The following WDPCP variants were observed in gnomAD, a reference collection of about 807,000 sequenced individuals.
WDPCP encodes the protein WD repeat containing planar cell polarity effector, also known as WD repeat-containing and planar cell polarity effector protein fritz homolog.
A neutral mutation model predicts 93.1 loss-of-function variants in WDPCP; 71 were observed. The observed-to-expected ratio is 0.76, with a 90% CI of 0.63 to 0.93. WDPCP has a LOEUF of 0.93. WDPCP is among the 40% of genes least tolerant of loss of function. The probability of loss-of-function intolerance (pLI) is 0.00; values close to 1 mark genes in which losing one functional copy is unlikely to be tolerated. For missense variants in WDPCP, 844 were observed against 887.4 expected (o/e 0.95, Z 0.62); for synonymous variants, 315 against 315.0 (o/e 1.00, Z 0.00).
rs571001952 is a variant in WDPCP, at chr2:63,572,972, C to T, written c.75+15225G>A. On this transcript the variant is annotated intron_variant, in intron 1 of 17. Coordinates refer to ENST00000272321, the MANE Select transcript of WDPCP (RefSeq NM_015910.7). The stretch of plus-strand genomic sequence containing the variant: ...TCTTCAAAAGTATTCATTGGCCAGG[C>T]ATAGTGGCTCACACCTATAATCCCA... 2.6e-5 allele frequency among the ~76,000 whole-genome samples: 4 copies of T among 152,140 alleles called. No individual in the cohort carries two copies. In the South Asian group the frequency reaches 6.2e-4, roughly 24 times the overall value.
At chr2:63,834,781 C>T in the WDPCP span, among the ~76,000 whole-genome samples, 7 of 152,246 alleles carry the variant, frequency 4.6e-5, no homozygotes, top group African/African-American at 1.7e-4. Flanking sequence ...CTTGGCTGTG[C>T]TCAGCACATT....
chr2:63,435,569 C>T (rs534130962), intron 8 of WDPCP, among the ~76,000 whole-genome samples: 3 of 152,146 alleles, frequency 2.0e-5, no homozygotes, highest in African/African-American at 7.2e-5. Context: ...AATTGAGTCA[C>T]AATGAGTGAC....
At chr2:63,622,805 G>A (rs1364165617) in intron 3 of WDPCP, 5 of 1,611,622 alleles carry the variant, frequency 3.1e-6, no homozygotes, top group East Asian at 2.2e-5. Flanking sequence ...TCCGGAGCAC[G>A]CTCTGGCCCA....
intron 3 of WDPCP, among the ~76,000 whole-genome samples, chr2:63,633,495 T>C (rs1029610545): frequency 2.0e-5 from 3 of 152,146 alleles, no homozygotes; most frequent in African/African-American, 7.2e-5. Flanking sequence ...TGTATGCAGT[T>C]GAAGTTCAGT....
At chr2:63,543,037 A>T (rs896728935) in intron 1 of WDPCP, among the ~76,000 whole-genome samples, 3 of 151,900 alleles carry the variant, frequency 2.0e-5, no homozygotes, top group Non-Finnish European at 2.9e-5. Context: ...TTTTGAAGAG[A>T]AGTAGTAAAA....
intron 2 of WDPCP, among the ~76,000 whole-genome samples, chr2:63,788,547 C>T (rs939412120): frequency 6.6e-6 from 1 of 152,092 alleles, no homozygotes; most frequent in Non-Finnish European, 1.5e-5. Context: ...TTTTCTAATG[C>T]TAAATACATA....
intron 3 of WDPCP, among the ~76,000 whole-genome samples, chr2:63,621,500 A>G (rs1269518987): frequency 6.6e-6 from 1 of 152,142 alleles, no homozygotes; most frequent in Non-Finnish European, 1.5e-5. Context: ...TAATGAACAA[A>G]GCCTCCAATA....
intron 7 of WDPCP, 162 bp from the exon 8 acceptor site, chr2:63,437,716 G>T: frequency 9.8e-7 from 1 of 1,016,530 alleles, no homozygotes; most frequent in Non-Finnish European, 1.4e-6. Context: ...AAAGATATTA[G>T]GAATAAACAA....
chr2:63,325,460 C>A (rs1321550838), intron 12 of WDPCP, among the ~76,000 whole-genome samples: 1 of 152,196 alleles, frequency 6.6e-6, no homozygotes, highest in Non-Finnish European at 1.5e-5. Context: ...TGTCATCACC[C>A]TCACTGAGCC....
At chr2:63,360,701 T>C (rs1558517175) in intron 12 of WDPCP, among the ~76,000 whole-genome samples, 2 of 152,250 alleles carry the variant, frequency 1.3e-5, no homozygotes, top group African/African-American at 2.4e-5. Flanking sequence ...TTTAAAAACG[T>C]AGATAACATC....
intron 6 of WDPCP, among the ~76,000 whole-genome samples, chr2:63,469,844 C>T (rs1376972371): frequency 6.6e-6 from 1 of 152,122 alleles, no homozygotes; most frequent in Non-Finnish European, 1.5e-5. Flanking sequence ...ACTCTTGAAC[C>T]TAAAATAAAA....
intron 15 of WDPCP, among the ~76,000 whole-genome samples, chr2:63,173,938 A>T (rs1013146698): frequency 6.6e-6 from 1 of 152,198 alleles, no homozygotes; most frequent in South Asian, 2.1e-4. Context: ...TAAACCAGGG[A>T]ACAGATCTGA....
chr2:63,479,683 T>C (rs1247531927), intron 6 of WDPCP, among the ~76,000 whole-genome samples: 4 of 152,120 alleles, frequency 2.6e-5, no homozygotes, highest in South Asian at 2.1e-4. Context: ...AAGCCATCTA[T>C]GACAAACCCA....
chr2:63,698,214 CAA>C (rs1468073358), intron 2 of WDPCP, among the ~76,000 whole-genome samples: 1 of 152,144 alleles, frequency 6.6e-6, no homozygotes, highest in Admixed American at 6.5e-5. Flanking sequence ...CTTGGCCTCC[CAA>C]AGTGCTCGAC....
chr2:63,380,239 A>AT (rs574035054), intron 11 of WDPCP, among the ~76,000 whole-genome samples: 26 of 147,284 alleles, frequency 1.8e-4, no homozygotes, highest in African/African-American at 3.2e-4. Context: ...TTTTTCTTTC[A>AT]TTTTTTTTTT....
intron 6 of WDPCP, among the ~76,000 whole-genome samples, chr2:63,480,126 C>T (rs189504892): frequency 6.6e-6 from 1 of 152,114 alleles, no homozygotes; most frequent in Admixed American, 6.5e-5. Flanking sequence ...AAGAACTCAA[C>T]CCTTTTACAA....
intron 3 of WDPCP, among the ~76,000 whole-genome samples, chr2:63,623,834 G>A (rs1301614911): frequency 6.6e-6 from 1 of 152,150 alleles, no homozygotes. Flanking sequence ...GGACCAAGTG[G>A]ACCTAATAGA....
intron 14 of WDPCP, among the ~76,000 whole-genome samples, chr2:63,245,359 C>A (rs181903426): frequency 6.6e-6 from 1 of 152,000 alleles, no homozygotes; most frequent in Admixed American, 6.6e-5. Flanking sequence ...AATAATTGTA[C>A]GGGTAACAGT....
intron 17 of WDPCP, among the ~76,000 whole-genome samples, chr2:63,134,574 T>C (rs1175539417): frequency 6.6e-6 from 1 of 152,242 alleles, no homozygotes; most frequent in African/African-American, 2.4e-5. Context: ...ATGAGCACTT[T>C]GAACACTGGT....
Sources: allele counts gnomAD v4.1 joint callset (sites outside exome capture counted in the v4.1 genomes callset), GRCh38; gene constraint gnomAD v4.1.1; transcripts MANE v1.5; gene names NCBI Gene and HGNC (gene_info 2026-07-23, HGNC 2026-07-21).